GPM6A: variants seen among roughly 807,000 people sequenced by gnomAD.
GPM6A encodes neuronal membrane glycoprotein M6-a.
A neutral mutation model predicts 32.1 loss-of-function variants in GPM6A; 7 were observed. That is an observed-to-expected ratio of 0.22 (90% CI 0.12 to 0.41). The LOEUF (loss-of-function observed/expected upper bound fraction) is 0.41, where lower values mean the gene tolerates loss of function less well. GPM6A is among the 10% of genes least tolerant of loss of function. The probability of loss-of-function intolerance (pLI) is 1.00; values close to 1 mark genes in which losing one functional copy is unlikely to be tolerated. For missense variants in GPM6A, 235 were observed against 347.2 expected (o/e 0.68, Z 2.57); for synonymous variants, 130 against 123.4 (o/e 1.05, Z -0.35).
At chr4:175,747,269 C>CAAAA (rs5864346) in intron 1 of GPM6A, among the ~76,000 whole-genome samples, 37 of 109,482 alleles carry the variant, frequency 3.4e-4, no homozygotes, top group African/African-American at 9.9e-4. Context: ...ACTCCATCTC[C>CAAAA]AAAAAAAAAA....
intron 2 of GPM6A, among the ~76,000 whole-genome samples, chr4:175,684,805 A>T (rs1440886846): frequency 1.3e-5 from 2 of 152,090 alleles, no homozygotes; most frequent in African/African-American, 4.8e-5. Flanking sequence ...ATCTTGTAAG[A>T]TTAGATCTCT....
At chr4:175,970,312 A>T (rs1394748081) in intron 1 of GPM6A, among the ~76,000 whole-genome samples, 1 of 152,218 alleles carries the variant, frequency 6.6e-6, no homozygotes, top group African/African-American at 2.4e-5. Context: ...CAGCAAACAC[A>T]TGAACCCCTC....
intron 1 of GPM6A, among the ~76,000 whole-genome samples, chr4:175,940,963 A>C (rs1022303539): frequency 2.0e-5 from 3 of 152,254 alleles, no homozygotes; most frequent in African/African-American, 7.2e-5. Flanking sequence ...ATAGGAGCTA[A>C]AAAGCCAGAT....
intron 1 of GPM6A, among the ~76,000 whole-genome samples, chr4:175,827,508 T>C (rs904191410): frequency 9.2e-5 from 14 of 152,174 alleles, no homozygotes; most frequent in Admixed American, 6.5e-5. Context: ...ACCCAGAAGG[T>C]CTGGTTCTTA....
intron 1 of GPM6A, among the ~76,000 whole-genome samples, chr4:175,835,649 A>ATATC (rs539818650): frequency 7.0e-6 from 1 of 143,340 alleles, no homozygotes; most frequent in Non-Finnish European, 1.5e-5. Context: ...ATATATATAT[A>ATATC]TGCTTGTATG....
intron 1 of GPM6A, among the ~76,000 whole-genome samples, chr4:175,904,152 C>A (rs1454167396): frequency 1.3e-5 from 2 of 151,960 alleles, no homozygotes. Flanking sequence ...TTACAGTAAA[C>A]TCTATTATCA....
chr4:175,975,314 A>G (rs1244887060), intron 1 of GPM6A, among the ~76,000 whole-genome samples: 1 of 150,060 alleles, frequency 6.7e-6, no homozygotes, highest in Non-Finnish European at 1.5e-5. Context: ...TTTGTCTACA[A>G]TCCAAACTTG....
At chr4:175,845,728 T>A (rs979910097) in intron 1 of GPM6A, among the ~76,000 whole-genome samples, 1 of 152,112 alleles carries the variant, frequency 6.6e-6, no homozygotes, top group African/African-American at 2.4e-5. Flanking sequence ...AATCCTTATC[T>A]GGACCATTAC....
chr4:175,798,123 C>G (rs944021149), intron 1 of GPM6A, among the ~76,000 whole-genome samples: 1 of 152,120 alleles, frequency 6.6e-6, no homozygotes, highest in Non-Finnish European at 1.5e-5. Flanking sequence ...AATATGGTAC[C>G]GCTATACTTG....
At chr4:175,808,850 T>C (rs1734801127) in intron 1 of GPM6A, 1 of 152,260 alleles carries the variant, frequency 6.6e-6, no homozygotes, top group Non-Finnish European at 1.5e-5. Flanking sequence ...TCATAAAATG[T>C]TCATGTTCAG....
chr4:175,967,432 C>T (rs76736935), intron 1 of GPM6A, among the ~76,000 whole-genome samples: 2,765 of 151,872 alleles, frequency 0.018, 70 homozygotes, highest in African/African-American at 0.062. Context: ...CCAGCTAAAG[C>T]AATAAGACAA....
chr4:175,954,541 T>G (rs1354626082), intron 1 of GPM6A, among the ~76,000 whole-genome samples: 4 of 152,116 alleles, frequency 2.6e-5, no homozygotes, highest in African/African-American at 4.8e-5. Flanking sequence ...CACACTGAGT[T>G]TTGTCTATCA....
intron 1 of GPM6A, among the ~76,000 whole-genome samples, chr4:175,753,856 C>T (rs1732430031): frequency 6.6e-6 from 1 of 152,078 alleles, no homozygotes; most frequent in South Asian, 2.1e-4. Flanking sequence ...TCATGGTGTG[C>T]CTTCTCCATC....
At chr4:175,743,801 A>G (rs1417775125) in intron 1 of GPM6A, among the ~76,000 whole-genome samples, 1 of 152,186 alleles carries the variant, frequency 6.6e-6, no homozygotes, top group African/African-American at 2.4e-5. Context: ...TTTCATCGAC[A>G]GGCTTAATTC....
chr4:175,747,197 G>T (rs1233755410), intron 1 of GPM6A, among the ~76,000 whole-genome samples: 2 of 150,336 alleles, frequency 1.3e-5, no homozygotes, highest in Non-Finnish European at 2.9e-5. Flanking sequence ...TTGAACCGAG[G>T]TGGCAGAAGT....
chr4:175,875,354 C>A (rs1254135079), intron 1 of GPM6A, among the ~76,000 whole-genome samples: 1 of 152,130 alleles, frequency 6.6e-6, no homozygotes, highest in Non-Finnish European at 1.5e-5. Context: ...GATTTTGTTT[C>A]TTTCACCACT....
intron 1 of GPM6A, chr4:175,891,469 C>G (rs1445906036): frequency 1.3e-5 from 2 of 152,206 alleles, no homozygotes. Context: ...TTACCTAATG[C>G]AAGTCCAAAT....
chr4:175,939,154 C>T (rs889418249), intron 1 of GPM6A, among the ~76,000 whole-genome samples: 5 of 152,098 alleles, frequency 3.3e-5, no homozygotes, highest in Non-Finnish European at 7.4e-5. Context: ...TAAATTATAT[C>T]GATCACCCCT....
At chr4:175,640,627 C>T in intron 5 of GPM6A, 126 bp downstream of exon 5, 1 of 686,282 alleles carries the variant, frequency 1.5e-6, no homozygotes, top group Non-Finnish European at 2.6e-6. Context: ...AACACTACTT[C>T]AGGTAAAATT....
Sources: allele counts gnomAD v4.1 joint callset (sites outside exome capture counted in the v4.1 genomes callset), GRCh38; gene constraint gnomAD v4.1.1; transcripts MANE v1.5; gene names NCBI Gene and HGNC (gene_info 2026-07-23, HGNC 2026-07-21).